Variants in PTPRO observed in about 807,000 individuals in gnomAD.
PTPRO encodes the protein protein tyrosine phosphatase receptor type O.
PTPRO carries 62 observed loss-of-function variants against 145.2 expected under a neutral mutation model. The observed-to-expected ratio is 0.43, with a 90% CI of 0.35 to 0.53. PTPRO has a LOEUF of 0.53. Among genes scored for constraint, PTPRO ranks in the 20% least tolerant of loss-of-function variants. The pLI is 0.01. For synonymous variants in PTPRO, 565 were observed against 514.7 expected, an observed-to-expected ratio of 1.10 and a Z score of -1.32; for missense variants, 1,345 against 1,482.7, an observed-to-expected ratio of 0.91 and a Z score of 1.53.
chr12:15,515,746 C>T (rs1401418835), intron 8 of PTPRO, 128 bp downstream of exon 8: 1 of 1,201,666 alleles, frequency 8.3e-7, no homozygotes, highest in African/African-American at 1.5e-5. Flanking sequence ...CAATATGCTA[C>T]CTTCAGAGTA....
chr12:15,461,990 TTAAC>T (rs774095620), intron 1 of PTPRO, among the ~76,000 whole-genome samples: 17 of 152,202 alleles, frequency 1.1e-4, no homozygotes, highest in Admixed American at 2.0e-4. Context: ...CTGGAACACT[TTAAC>T]AGCCCCAAGG....
chr12:15,440,113 T>A (rs1940719714), intron 1 of PTPRO: 1 of 634,640 alleles, frequency 1.6e-6, no homozygotes, highest in Admixed American at 2.3e-5. Context: ...ACCTCATCCC[T>A]GAGTCCAGGA....
intron 14 of PTPRO, 75 bp downstream of exon 14, chr12:15,549,301 TC>T: frequency 8.4e-7 from 1 of 1,189,608 alleles, no homozygotes. Flanking sequence ...GTATCAATAT[TC>T]CACCAAGAAA....
At chr12:15,512,082 A>C (rs934932887) in intron 7 of PTPRO, among the ~76,000 whole-genome samples, 1 of 151,062 alleles carries the variant, frequency 6.6e-6, no homozygotes, top group Admixed American at 6.6e-5. Context: ...CAATGTGTTA[A>C]GTTTAAATGG....
intron 1 of PTPRO, chr12:15,346,686 G>A (rs1049268785): frequency 6.6e-6 from 1 of 152,104 alleles, no homozygotes; most frequent in Non-Finnish European, 1.5e-5. Flanking sequence ...TTTTTGATAC[G>A]GAAAGAATAA....
In PTPRO at chr12:15,557,475, T is replaced by G; in HGVS notation, c.2579T>G (p.Phe860Cys). ...AACAGGGAGTGTGGAGCTGGTACAT[T>G]TGTCAATTTTGCATCCTTAGAGAGG... ...QMARECGAGTFVNFASLERDG... is the reference protein window; with the variant it reads ...QMARECGAGTCVNFASLERDG... The change falls in exon 16 of 27, where the codon TTT becomes TGT. Residue 860 changes from phenylalanine (F) to cysteine (C), a missense_variant. Phe to Cys is a radical substitution (Grantham distance 205, BLOSUM62 -2). Transcript: ENST00000281171. 6.2e-7 allele frequency: 1 copy of G among 1,613,974 alleles called. No individual in the cohort carries two copies. Among genetic ancestry groups the G allele is most frequent in the South Asian group, 1.1e-5 (1 of 91,076 alleles).
intron 1 of PTPRO, among the ~76,000 whole-genome samples, chr12:15,424,043 T>A (rs1940217452): frequency 6.6e-6 from 1 of 152,210 alleles, no homozygotes. Context: ...AGGAGAAGCA[T>A]CCCTGACTTT....
intron 21 of PTPRO, among the ~76,000 whole-genome samples, chr12:15,580,422 C>A (rs1337926615): frequency 1.3e-5 from 2 of 152,220 alleles, no homozygotes; most frequent in East Asian, 3.9e-4. Flanking sequence ...AGCACCTGCA[C>A]TTTTAAAATA....
intron 1 of PTPRO, among the ~76,000 whole-genome samples, chr12:15,364,515 T>TCTATTC (rs1938302058): frequency 6.6e-6 from 1 of 152,194 alleles, no homozygotes; most frequent in African/African-American, 2.4e-5. Flanking sequence ...TGCAGAGTTT[T>TCTATTC]CTATTCCTAT....
chr12:15,561,401 T>C (rs949704435), intron 17 of PTPRO, among the ~76,000 whole-genome samples: 4 of 152,042 alleles, frequency 2.6e-5, no homozygotes, highest in African/African-American at 9.7e-5. Context: ...GGAAGGAACA[T>C]AAAAAAGGAT....
At chr12:15,435,594 T>C (rs1940573552) in intron 1 of PTPRO, among the ~76,000 whole-genome samples, 1 of 151,984 alleles carries the variant, frequency 6.6e-6, no homozygotes, top group South Asian at 2.1e-4. Context: ...CTCTCTATAA[T>C]TCCTCTTTAC....
intron 1 of PTPRO, among the ~76,000 whole-genome samples, chr12:15,479,142 T>A (rs1037629551): frequency 6.6e-6 from 1 of 152,142 alleles, no homozygotes; most frequent in African/African-American, 2.4e-5. Flanking sequence ...GAATAAAAAA[T>A]TGTTTATGAA....
At chr12:15,469,669 G>A (rs531018842) in intron 1 of PTPRO, among the ~76,000 whole-genome samples, 12 of 150,276 alleles carry the variant, frequency 8.0e-5, no homozygotes, top group South Asian at 2.1e-4. Context: ...GCTCTTGTTC[G>A]TGATGCCACA....
intron 2 of PTPRO, among the ~76,000 whole-genome samples, chr12:15,493,432 G>A (rs1942039489): frequency 6.6e-6 from 1 of 152,064 alleles, no homozygotes; most frequent in South Asian, 2.1e-4. Flanking sequence ...TGGGAATATG[G>A]TATATGACAA....
chr12:15,473,330 CG>C (rs57797141), intron 1 of PTPRO, among the ~76,000 whole-genome samples: 2,239 of 152,204 alleles, frequency 0.015, 64 homozygotes, highest in African/African-American at 0.051. Context: ...GCCTGTTGCC[CG>C]GTTGCCACTT....
chr12:15,337,640 T>A (rs1315135555), intron 1 of PTPRO, among the ~76,000 whole-genome samples: 1 of 152,228 alleles, frequency 6.6e-6, no homozygotes, highest in Admixed American at 6.6e-5. Flanking sequence ...AGAAACTTCC[T>A]ACTAGCCCAG....
chr12:15,338,378 A>T (rs1231085257), intron 1 of PTPRO, among the ~76,000 whole-genome samples: 2 of 152,228 alleles, frequency 1.3e-5, no homozygotes, highest in Admixed American at 1.3e-4. Flanking sequence ...AACAATAACT[A>T]CAATTGCAGG....
intron 17 of PTPRO, among the ~76,000 whole-genome samples, chr12:15,565,046 TAA>T (rs1943863098): frequency 6.6e-6 from 1 of 152,148 alleles, no homozygotes; most frequent in South Asian, 2.1e-4. Context: ...TCAGATAGCT[TAA>T]AAATTAGTTC....
chr12:15,549,006 A>G, intron 13 of PTPRO, 88 bp from the exon 14 acceptor site: 2 of 1,392,780 alleles, frequency 1.4e-6, no homozygotes, highest in Non-Finnish European at 2.0e-6. Flanking sequence ...TTACTCTGTC[A>G]ATCTATTACC....
Sources: allele counts gnomAD v4.1 joint callset (sites outside exome capture counted in the v4.1 genomes callset), GRCh38; gene constraint gnomAD v4.1.1; transcripts MANE v1.5; gene names NCBI Gene and HGNC (gene_info 2026-07-23, HGNC 2026-07-21).